Variants in GEMIN2 observed in about 807,000 individuals in gnomAD.
The protein encoded by GEMIN2 is gem nuclear organelle associated protein 2, also known as gem-associated protein 2.
GEMIN2 carries 37 observed loss-of-function variants against 45.8 expected under a neutral mutation model. The ratio of observed to expected loss-of-function variants is 0.81; its 90% CI spans 0.62 to 1.06. The LOEUF (loss-of-function observed/expected upper bound fraction) is 1.06, where lower values mean the gene tolerates loss of function less well. Among genes scored for constraint, GEMIN2 ranks in the 50% least tolerant of loss-of-function variants. The pLI is 0.00. For synonymous variants in GEMIN2, 101 were observed against 111.5 expected (o/e 0.91, Z 0.60); for missense variants, 335 against 321.8 (o/e 1.04, Z -0.31).
chr14:39,115,690 C>G (rs994122592), intron 2 of GEMIN2, among the ~76,000 whole-genome samples: 2 of 151,842 alleles, frequency 1.3e-5, no homozygotes, highest in African/African-American at 4.8e-5. Context: ...CTCCTGACCT[C>G]GTGATGCGCC....
rs367901469 is a variant in GEMIN2, at chr14:39,127,867, C to T, written c.532-413C>T. On this transcript the variant is annotated intron_variant, in intron 6 of 9. Coordinates refer to ENST00000308317, the MANE Select transcript of GEMIN2 (RefSeq NM_003616.3). ...GGCGGATCACCTGAGGTCGAGAGTT[C>T]GACCAGCCTGACCAACATGCAGAAA... 2.8e-4 allele frequency among the ~76,000 whole-genome samples: 42 copies of T among 151,922 alleles called. 1 individual carries two copies. Among genetic ancestry groups the T allele is most frequent in the Admixed American group, 1.4e-3 (22 of 15,240 alleles).
chr14:39,117,010 C>T (rs542339334), intron 2 of GEMIN2, among the ~76,000 whole-genome samples: 162 of 152,302 alleles, frequency 1.1e-3, no homozygotes, highest in African/African-American at 3.8e-3. Context: ...TAGTGGCTCA[C>T]ACCTGTAATC....
chr14:39,135,932 A>AT (rs1330462324), intron 9 of GEMIN2, among the ~76,000 whole-genome samples: 1 of 152,036 alleles, frequency 6.6e-6, no homozygotes, highest in Non-Finnish European at 1.5e-5. Context: ...TTTTAAAAGT[A>AT]TAAGTAGGCC....
At chr14:39,132,989 T>TGTGC (rs1189896407) in intron 8 of GEMIN2, among the ~76,000 whole-genome samples, 4 of 121,058 alleles carry the variant, frequency 3.3e-5, no homozygotes, top group African/African-American at 1.4e-4. Context: ...TGTGTGTGTG[T>TGTGC]GTGTGTGTGT....
chr14:39,118,269 TTTTA>T (rs1338672070), intron 3 of GEMIN2, among the ~76,000 whole-genome samples, 181 bp downstream of exon 3: 7 of 152,328 alleles, frequency 4.6e-5, no homozygotes, highest in South Asian at 2.1e-4. Context: ...TTTTGTTTAT[TTTTA>T]TTTGTTTGTT....
intron 5 of GEMIN2, chr14:39,122,797 C>T: frequency 3.2e-6 from 1 of 309,022 alleles, no homozygotes; most frequent in Non-Finnish European, 5.8e-6. Context: ...CCAACCCAGA[C>T]TTAGTTTATT....
At position 39,122,512 on chromosome 14, in the gene GEMIN2, C is replaced by T. The variant is rs1398641479; in HGVS notation, c.455C>T (p.Thr152Ile). Reference sequence around the variant, plus strand: ...GCTGACGGGGCTGTTGGACCAGCCACAAATGAAAGTCCTGGAATAGATTAT... The same window carrying T: ...GCTGACGGGGCTGTTGGACCAGCCATAAATGAAAGTCCTGGAATAGATTAT... ...LCADGAVGPA[T>I]NESPGIDYVQ... Residue 152 changes from threonine (T) to isoleucine (I), a missense_variant, in exon 5 of 10, where the codon ACA becomes ATA. Transcript: ENST00000308317. 2 of 1,594,486 alleles carry T rather than the reference C, an allele frequency of 1.3e-6. No homozygotes were observed. Among genetic ancestry groups the T allele is most frequent in the African/African-American group, 2.7e-5 (2 of 74,070 alleles).
rs554570617 is a variant in GEMIN2 at position 39,133,751 on chromosome 14, ATCAGTGAGG to A, written c.770+43_770+51del. ...TTAATCCTTGGCTTCTTTATTATTT[ATCAGTGAGG>A]TCAGTGAGGTTAGATCGTATTTATT... On this transcript the variant is annotated intron_variant, in intron 9 of 9. Coordinates refer to ENST00000308317, the MANE Select transcript of GEMIN2 (RefSeq NM_003616.3). The A allele has an allele frequency of 1.1e-4, 131 of 1,213,010 alleles. No individual in the cohort carries two copies. The African/African-American group carries it at 1.2e-3, about 11-fold the overall frequency. The allele number at this position is 1,213,010 out of a possible 1,614,324, so 75.1% of individuals were successfully genotyped here. A position where few individuals can be genotyped will look rare whatever the true frequency, so the allele number is the denominator to read the frequency against.
At chr14:39,128,757 C>A (rs72673328) in intron 7 of GEMIN2, among the ~76,000 whole-genome samples, 12,181 of 151,984 alleles carry the variant, frequency 0.08, 525 homozygotes, top group African/African-American at 0.12. Context: ...CCTCCTCACC[C>A]TCCCAAAATG....
At chr14:39,127,948 A>C (rs1276871777) in intron 6 of GEMIN2, among the ~76,000 whole-genome samples, 1 of 151,832 alleles carries the variant, frequency 6.6e-6, no homozygotes, top group African/African-American at 2.4e-5. Context: ...CACGCATGTA[A>C]TCTCAGCTAC....
At chr14:39,117,860 C>T (rs2052529052) in intron 2 of GEMIN2, 139 bp from the exon 3 acceptor site, 1 of 461,674 alleles carries the variant, frequency 2.2e-6, no homozygotes, top group South Asian at 4.3e-5. Context: ...TTTTTTACAT[C>T]TGCAAAAATA....
At chr14:39,130,894 C>G (rs1566536587) in intron 7 of GEMIN2, among the ~76,000 whole-genome samples, 1 of 140,524 alleles carries the variant, frequency 7.1e-6, no homozygotes, top group Non-Finnish European at 1.5e-5. Context: ...GACTCCATCT[C>G]GAAAAAAAAA....
At chr14:39,116,092 G>C (rs1198349034) in intron 2 of GEMIN2, among the ~76,000 whole-genome samples, 1 of 151,778 alleles carries the variant, frequency 6.6e-6, no homozygotes, top group Non-Finnish European at 1.5e-5. Flanking sequence ...CTGGAGTGCA[G>C]TGGCACAATC....
At chr14:39,116,718 A>G (rs1455942269) in intron 2 of GEMIN2, among the ~76,000 whole-genome samples, 1 of 152,110 alleles carries the variant, frequency 6.6e-6, no homozygotes, top group Non-Finnish European at 1.5e-5. Flanking sequence ...CATTTAATGG[A>G]ACAGAATGTC....
At position 39,128,309 on chromosome 14, in the gene GEMIN2, G is replaced by T; in HGVS notation, c.561G>T (p.Leu187=). The change falls in exon 7 of 10, where the codon CTG becomes CTT. Residue 187 remains leucine (L), a synonymous_variant. Coordinates refer to ENST00000308317, the MANE Select transcript of GEMIN2 (RefSeq NM_003616.3). ...CAGTAACTAGTGTCTTGGAATATCTGAGTAATTGGTTTGGAGAAAGAGACT... is the reference window on the plus strand; with the variant it reads ...CAGTAACTAGTGTCTTGGAATATCTTAGTAATTGGTTTGGAGAAAGAGACT... The part of the protein sequence containing the change: ...QATVTSVLEY[L]SNWFGERDFT... The T allele has an allele frequency of 6.3e-7, 1 of 1,582,220 alleles. No homozygotes were observed.
intron 4 of GEMIN2, among the ~76,000 whole-genome samples, chr14:39,121,543 T>C (rs1277214907): frequency 6.6e-6 from 1 of 152,074 alleles, no homozygotes; most frequent in Non-Finnish European, 1.5e-5. Flanking sequence ...AAAAATGTAA[T>C]AATAAGGAAA....
At chr14:39,119,027 T>C (rs912067907) in intron 4 of GEMIN2, among the ~76,000 whole-genome samples, 2 of 152,050 alleles carry the variant, frequency 1.3e-5, no homozygotes, top group Admixed American at 6.6e-5. Flanking sequence ...CCTCCTGCCC[T>C]AGCCTCCCCG....
At position 39,136,468 on chromosome 14, in the gene GEMIN2, G is replaced by T. The variant is rs143390356; in HGVS notation, c.799G>T (p.Glu267Ter). 4 of 1,587,930 alleles carry T rather than the reference G, an allele frequency of 2.5e-6. No homozygotes were observed. The highest frequency in any genetic ancestry group is 3.5e-6 in the Non-Finnish European group (4 of 1,157,880). The part of the protein sequence containing the change: ...RYFDQRDLAD[E>*]PS ...TTTTGACCAACGTGATTTAGCTGAT[G>T]AGCCATCTTGATGTAGCTGATCTCT... is the stretch of plus-strand genomic sequence containing the variant. The change falls in exon 10 of 10, where the codon GAG (glutamate) becomes TAG (stop). Residue 267 changes from glutamate to a stop codon, truncating the protein, a stop_gained. Coordinates refer to ENST00000308317, the MANE Select transcript of GEMIN2 (RefSeq NM_003616.3). LOFTEE classifies it high-confidence loss of function.
intron 4 of GEMIN2, among the ~76,000 whole-genome samples, chr14:39,121,116 A>G (rs1261165877): frequency 6.6e-6 from 1 of 152,106 alleles, no homozygotes; most frequent in Non-Finnish European, 1.5e-5. Context: ...TACATGGGAT[A>G]AATATCCTTC....
Sources: gnomAD v4.1 joint callset for allele counts (sites outside exome capture counted in the v4.1 genomes callset) on GRCh38, gnomAD v4.1.1 for gene constraint, MANE v1.5 for transcripts, NCBI Gene and HGNC (gene_info 2026-07-23, HGNC 2026-07-21) for gene names.